Variants in TMCO6 observed in about 807,000 individuals in gnomAD.
TMCO6 encodes the protein transmembrane and coiled-coil domain-containing protein 6.
TMCO6 carries 47 observed loss-of-function variants against 61.8 expected under a neutral mutation model. That is an observed-to-expected ratio of 0.76 (90% CI 0.60 to 0.97). The LOEUF (loss-of-function observed/expected upper bound fraction) is 0.97, where lower values mean the gene tolerates loss of function less well. TMCO6 is among the 50% of genes least tolerant of loss of function. The pLI, the probability that TMCO6 is intolerant of heterozygous loss-of-function variation, is 0.00. For synonymous variants in TMCO6, 261 were observed against 254.2 expected (o/e 1.03, Z -0.25); for missense variants, 557 against 601.6 (o/e 0.93, Z 0.78).
At chr5:140,605,685 AAAACAAAAC>A in the TMCO6 span, among the ~76,000 whole-genome samples, 2 of 139,160 alleles carry the variant, frequency 1.4e-5, no homozygotes, top group African/African-American at 5.6e-5. Context: ...GTCTCAAAAA[AAAACAAAAC>A]ACACACACAC....
chr5:140,613,386 T>TAAAAAAAAAAAAAAAAA, the TMCO6 span, among the ~76,000 whole-genome samples: 5 of 87,436 alleles, frequency 5.7e-5, no homozygotes, highest in African/African-American at 2.6e-4. Context: ...AGACTCTGAC[T>TAAAAAAAAAAAAAAAAA]AAAAAAAAAA....
downstream of TMCO6, chr5:140,647,424 G>A (rs769705612): frequency 6.2e-7 from 1 of 1,610,024 alleles, no homozygotes; most frequent in Non-Finnish European, 8.5e-7. Context: ...ACTTCAGGGA[G>A]GTCGAGGTCG....
chr5:140,631,865 GC>G, the TMCO6 span: 2 of 1,557,848 alleles, frequency 1.3e-6, no homozygotes, highest in Non-Finnish European at 1.7e-6. Flanking sequence ...CTTAGGCAAA[GC>G]CCCGGGCCCC....
chr5:140,620,202 A>C, the TMCO6 span, among the ~76,000 whole-genome samples: 1 of 152,250 alleles, frequency 6.6e-6, no homozygotes, highest in Non-Finnish European at 1.5e-5. Flanking sequence ...GCTAAAAACA[A>C]ATGAACTATC....
downstream of TMCO6, chr5:140,647,280 G>A (rs1257088153): frequency 2.6e-6 from 4 of 1,564,994 alleles, no homozygotes; most frequent in Non-Finnish European, 3.5e-6. Context: ...AGCTTGGGCT[G>A]CACATCGGAG....
chr5:140,641,615 A>G, intron 2 of TMCO6, 50 bp from the exon 3 acceptor site: 1 of 1,531,668 alleles, frequency 6.5e-7, no homozygotes, highest in Non-Finnish European at 9.0e-7. Flanking sequence ...GAGACTTAGG[A>G]CTTGCTTTCT....
At chr5:140,616,848 C>T in the TMCO6 span, among the ~76,000 whole-genome samples, 3 of 136,502 alleles carry the variant, frequency 2.2e-5, no homozygotes, top group Admixed American at 2.2e-4. Flanking sequence ...GAGTTTGAGA[C>T]CAGCCTGGGT....
chr5:140,616,584 T>A, the TMCO6 span, among the ~76,000 whole-genome samples: 2 of 151,890 alleles, frequency 1.3e-5, no homozygotes, highest in Admixed American at 1.3e-4. Flanking sequence ...ATTGAAAATT[T>A]AAAAAATAAA....
the TMCO6 span, among the ~76,000 whole-genome samples, chr5:140,625,893 G>C: frequency 6.6e-6 from 1 of 152,186 alleles, no homozygotes; most frequent in Admixed American, 6.5e-5. Flanking sequence ...AGGAGGCATA[G>C]GGAGTTGCTG....
At position 140,642,571 on chromosome 5, in the gene TMCO6, C is replaced by T. The variant is rs1757106330; in HGVS notation, c.604-15C>T. 6.2e-7 allele frequency: 1 copy of T among 1,614,020 alleles called. No homozygotes were observed. Among genetic ancestry groups the T allele is most frequent in the East Asian group, 2.2e-5 (1 of 44,890 alleles). ...ACCCAGCTTCCAGTCAGATCCTTAC[C>T]CTGTCTACTTCCAGTCCCCCCATGT... On this transcript the variant is annotated splice_polypyrimidine_tract_variant and intron_variant, in intron 5 of 11. Coordinates refer to ENST00000394671, the MANE Select transcript of TMCO6 (RefSeq NM_018502.5).
the TMCO6 span, among the ~76,000 whole-genome samples, chr5:140,610,193 A>AAAAAAAT: frequency 6.7e-6 from 1 of 150,204 alleles, no homozygotes; most frequent in African/African-American, 2.4e-5. Context: ...TACTAAAAAA[A>AAAAAAAT]AAAAAAAAAA....
the TMCO6 span, chr5:140,633,015 C>G: frequency 1.2e-6 from 2 of 1,614,132 alleles, no homozygotes; most frequent in Non-Finnish European, 1.7e-6. Flanking sequence ...AGGCCCCATC[C>G]AACCCCTGTG....
rs1581467118 is a variant in TMCO6 at position 140,643,688 on chromosome 5, G to A, written c.918+13G>A. 6.2e-7 allele frequency: 1 copy of A among 1,607,554 alleles called. No individual in the cohort carries two copies. The highest frequency in any genetic ancestry group is 2.2e-5 in the East Asian group (1 of 44,762). On this transcript the variant is annotated intron_variant, in intron 8 of 11. Coordinates refer to ENST00000394671, the MANE Select transcript of TMCO6 (RefSeq NM_018502.5). The stretch of plus-strand genomic sequence containing the variant: ...AGGACTGGAGCTGGTAGGTGAAGAT[G>A]TCAGGTGAAATTCTGGGAGATGTTT...
downstream of TMCO6, chr5:140,645,870 A>G: frequency 1.8e-6 from 2 of 1,093,786 alleles, no homozygotes; most frequent in Admixed American, 2.2e-5. Context: ...CCCAAGTCCA[A>G]ATAGAATTTT....
chr5:140,624,604 C>A, the TMCO6 span, among the ~76,000 whole-genome samples: 2 of 151,982 alleles, frequency 1.3e-5, no homozygotes, highest in African/African-American at 2.4e-5. Flanking sequence ...GAAACGGAGT[C>A]TCACTCTGTG....
At chr5:140,609,301 C>T in the TMCO6 span, 1 of 194,562 alleles carries the variant, frequency 5.1e-6, no homozygotes, top group Non-Finnish European at 1.1e-5. Context: ...CCCTCAAGTT[C>T]ATCAAGAAAA....
chr5:140,644,308 C>A, intron 10 of TMCO6, 114 bp downstream of exon 10: 1 of 1,204,366 alleles, frequency 8.3e-7, no homozygotes, highest in South Asian at 1.3e-5. Context: ...GGTGTGTGGC[C>A]TCAGGGCCCA....
chr5:140,610,240 C>G, the TMCO6 span, among the ~76,000 whole-genome samples: 1 of 151,128 alleles, frequency 6.6e-6, no homozygotes, highest in Non-Finnish European at 1.5e-5. Context: ...GCCTGTAGTC[C>G]CAGCTACTCA....
chr5:140,618,736 TC>T, the TMCO6 span, among the ~76,000 whole-genome samples: 1 of 152,246 alleles, frequency 6.6e-6, no homozygotes, highest in South Asian at 2.1e-4. Flanking sequence ...AGAATTTTTT[TC>T]AACAAATGGT....
Sources: gnomAD v4.1 joint callset for allele counts (sites outside exome capture counted in the v4.1 genomes callset) on GRCh38, gnomAD v4.1.1 for gene constraint, MANE v1.5 for transcripts, NCBI Gene and HGNC (gene_info 2026-07-23, HGNC 2026-07-21) for gene names.